Variants in NEO1 observed in about 807,000 individuals in gnomAD.
The protein encoded by NEO1 is neogenin 1.
A neutral mutation model predicts 159.7 loss-of-function variants in NEO1; 63 were observed. That is an observed-to-expected ratio of 0.39 (90% CI 0.32 to 0.49). The LOEUF is 0.49. Ranked by LOEUF, NEO1 falls within the 20% of genes least tolerant of loss-of-function variation. The pLI is 0.85. For synonymous variants in NEO1, 633 were observed against 662.0 expected (o/e 0.96, Z 0.67); for missense variants, 1,615 against 1,831.0 (o/e 0.88, Z 2.15).
intron 5 of NEO1, among the ~76,000 whole-genome samples, chr15:73,167,005 C>G (rs1007841870): frequency 1.3e-5 from 2 of 151,570 alleles, no homozygotes; most frequent in Admixed American, 1.3e-4. Context: ...AACCATCATT[C>G]TCAGCAAACT....
intron 23 of NEO1, among the ~76,000 whole-genome samples, chr15:73,287,033 A>G (rs982506590): frequency 6.6e-6 from 1 of 152,178 alleles, no homozygotes; most frequent in African/African-American, 2.4e-5. Context: ...ATGGTTTCTC[A>G]TTACTCACAA....
intron 1 of NEO1, among the ~76,000 whole-genome samples, chr15:73,067,178 G>A (rs2068263998): frequency 6.6e-6 from 1 of 152,114 alleles, no homozygotes; most frequent in Admixed American, 6.5e-5. Context: ...CAATCCTCCT[G>A]ATTTCAGATT....
intron 5 of NEO1, among the ~76,000 whole-genome samples, chr15:73,152,465 G>A (rs909192333): frequency 6.6e-6 from 1 of 152,130 alleles, no homozygotes; most frequent in African/African-American, 2.4e-5. Context: ...GGACATGGAA[G>A]CTCTGCGCCC....
Sources: gnomAD v4.1 joint callset for allele counts (sites outside exome capture counted in the v4.1 genomes callset) on GRCh38, gnomAD v4.1.1 for gene constraint, MANE v1.5 for transcripts, NCBI Gene and HGNC (gene_info 2026-07-23, HGNC 2026-07-21) for gene names.